PRKD1: variants seen among roughly 807,000 people sequenced by gnomAD.
PRKD1 encodes the protein serine/threonine-protein kinase D1.
A neutral mutation model predicts 95.9 loss-of-function variants in PRKD1; 63 were observed. The ratio of observed to expected loss-of-function variants is 0.66; its 90% CI spans 0.54 to 0.81. The LOEUF (loss-of-function observed/expected upper bound fraction) is 0.81. Among genes scored for constraint, PRKD1 ranks in the 30% least tolerant of loss-of-function variants. PRKD1 has a pLI of 0.00. For synonymous variants in PRKD1, 425 were observed against 423.1 expected (o/e 1.00, Z -0.05); for missense variants, 1,048 against 1,165.3 (o/e 0.90, Z 1.47).
At chr14:29,687,809 A>C (rs2139287943) in intron 2 of PRKD1, among the ~76,000 whole-genome samples, 1 of 152,332 alleles carries the variant, frequency 6.6e-6, no homozygotes, top group Non-Finnish European at 1.5e-5. Flanking sequence ...AATATCTGTC[A>C]CTGGAATGAG....
intron 1 of PRKD1, among the ~76,000 whole-genome samples, chr14:29,727,353 C>T (rs1292163743): frequency 6.6e-6 from 1 of 151,892 alleles, no homozygotes; most frequent in African/African-American, 2.4e-5. Flanking sequence ...GTTGCCTGTT[C>T]ACTCTGATGG....
intron 1 of PRKD1, among the ~76,000 whole-genome samples, chr14:29,919,992 G>GA (rs200608178): frequency 1.4e-5 from 2 of 146,576 alleles, no homozygotes; most frequent in African/African-American, 5.1e-5. Flanking sequence ...GAGAAAGAGA[G>GA]GAAGGAAGGT....
At chr14:29,609,275 A>G (rs561130841) in intron 13 of PRKD1, among the ~76,000 whole-genome samples, 6 of 152,174 alleles carry the variant, frequency 3.9e-5, no homozygotes, top group Non-Finnish European at 7.3e-5. Flanking sequence ...TTAACTGCTA[A>G]TGACAACAGA....
In PRKD1 at chr14:29,927,328, A is replaced by G; in HGVS notation, c.185T>C (p.Val62Ala). 2 of 1,562,654 alleles carry G rather than the reference A, an allele frequency of 1.3e-6. No individual in the cohort carries two copies. Among genetic ancestry groups the G allele is most frequent in the Non-Finnish European group, 1.7e-6 (2 of 1,156,480 alleles). Residue 62 changes from valine to alanine, a missense_variant, in exon 1 of 18, where the codon GTG becomes GCG. Physicochemically the swap from Val to Ala is moderately conservative, Grantham distance 64 (BLOSUM62 0). Transcript: ENST00000331968. ...CCCGGACGAGTCCTGCAGCAGCAGCACCGGCTCACGGCTCAGGCCGATCTG... is the reference window on the plus strand; with the variant it reads ...CCCGGACGAGTCCTGCAGCAGCAGCGCCGGCTCACGGCTCAGGCCGATCTG... The part of the protein sequence containing the change: ...HLQIGLSREP[V>A]LLLQDSSGDY...
intron 1 of PRKD1, among the ~76,000 whole-genome samples, chr14:29,846,725 G>C (rs1892092582): frequency 1.3e-5 from 2 of 152,188 alleles, no homozygotes. Context: ...CAAAGACAGA[G>C]GCAGAGACCA....
intron 1 of PRKD1, among the ~76,000 whole-genome samples, chr14:29,735,241 T>C (rs1441407832): frequency 6.6e-6 from 1 of 152,194 alleles, no homozygotes; most frequent in Non-Finnish European, 1.5e-5. Context: ...AGTGCATTTT[T>C]AGGATAAGCA....
At chr14:29,776,034 G>A (rs899763958) in intron 1 of PRKD1, among the ~76,000 whole-genome samples, 17 of 152,134 alleles carry the variant, frequency 1.1e-4, no homozygotes, top group African/African-American at 4.1e-4. Context: ...CAGGCAAACG[G>A]GGTCTGGAGT....
At chr14:29,798,258 G>A (rs775455500) in intron 1 of PRKD1, among the ~76,000 whole-genome samples, 2 of 152,150 alleles carry the variant, frequency 1.3e-5, no homozygotes, top group South Asian at 2.1e-4. Context: ...GCAGTTCCAC[G>A]CAGTTCCACC....
chr14:29,615,365 G>T (rs1878782319), intron 13 of PRKD1, among the ~76,000 whole-genome samples: 1 of 152,108 alleles, frequency 6.6e-6, no homozygotes, highest in Non-Finnish European at 1.5e-5. Context: ...ACACAAGGAG[G>T]TACAAAGCTT....
intron 1 of PRKD1, among the ~76,000 whole-genome samples, chr14:29,747,238 T>C (rs528684656): frequency 6.6e-6 from 1 of 152,098 alleles, no homozygotes; most frequent in East Asian, 1.9e-4. Context: ...ATTTTAAAAA[T>C]AAGGTACCCA....
chr14:29,666,055 G>A, intron 3 of PRKD1, 22 bp downstream of exon 3: 4 of 1,570,714 alleles, frequency 2.5e-6, no homozygotes, highest in Non-Finnish European at 3.5e-6. Flanking sequence ...CATTTAACTT[G>A]CATGGGAAGA....
intron 1 of PRKD1, among the ~76,000 whole-genome samples, chr14:29,887,723 C>T (rs956427960): frequency 3.3e-5 from 5 of 152,122 alleles, no homozygotes; most frequent in Non-Finnish European, 7.4e-5. Flanking sequence ...TACTTAGATA[C>T]ACAAATATTT....
chr14:29,641,801 C>T (rs1489508950), intron 4 of PRKD1, among the ~76,000 whole-genome samples: 1 of 151,958 alleles, frequency 6.6e-6, no homozygotes, highest in African/African-American at 2.4e-5. Flanking sequence ...AAGGCCATGA[C>T]CCTGTAATAT....
intron 1 of PRKD1, among the ~76,000 whole-genome samples, chr14:29,746,175 C>A (rs1887206943): frequency 1.4e-5 from 2 of 147,774 alleles, no homozygotes; most frequent in Admixed American, 6.7e-5. Context: ...ATTTTTGGTG[C>A]CACTGTGGGA....
At position 29,663,734 on chromosome 14, in the gene PRKD1, C is replaced by T. The variant is rs1169827045; in HGVS notation, c.661G>A (p.Glu221Lys). Reference protein sequence around the residue: ...GVSTIRTSSAELSTSAPDEPL... With the variant: ...GVSTIRTSSAKLSTSAPDEPL... Reference sequence around the variant, plus strand: ...TCATCAGGGGCACTTGTAGAGAGTTCAGCAGATGATGTGCGGATGGTGCTG... The same window carrying T: ...TCATCAGGGGCACTTGTAGAGAGTTTAGCAGATGATGTGCGGATGGTGCTG... Residue 221 changes from glutamate to lysine, a missense_variant, in exon 4 of 18, where the codon GAA becomes AAA. Physicochemically the swap from Glu to Lys is moderately conservative, Grantham distance 56. This residue lies in a region of PRKD1 where 275 missense variants were observed against 248.6 expected (regional missense o/e 1.11). Coordinates refer to ENST00000331968, the MANE Select transcript of PRKD1 (RefSeq NM_002742.3). 1 of 1,613,992 alleles carries T rather than the reference C, an allele frequency of 6.2e-7. No homozygotes were observed. The highest frequency in any genetic ancestry group is 8.5e-7 in the Non-Finnish European group (1 of 1,179,948).
intron 16 of PRKD1, among the ~76,000 whole-genome samples, chr14:29,584,036 G>A (rs45596836): frequency 0.046 from 6,975 of 152,122 alleles, 182 homozygotes; most frequent in Admixed American, 0.065. Flanking sequence ...TAGGATAGCC[G>A]AAGTTCTGTG....
At chr14:29,843,507 G>A (rs1027705700) in intron 1 of PRKD1, among the ~76,000 whole-genome samples, 1 of 152,166 alleles carries the variant, frequency 6.6e-6, no homozygotes, top group Non-Finnish European at 1.5e-5. Flanking sequence ...CTACAGCCTG[G>A]TAAAGTTAGA....
At chr14:29,705,026 G>C (rs1177331375) in intron 2 of PRKD1, among the ~76,000 whole-genome samples, 1 of 152,068 alleles carries the variant, frequency 6.6e-6, no homozygotes, top group Non-Finnish European at 1.5e-5. Flanking sequence ...CCTGACAAGA[G>C]TGGAAAATCT....
intron 1 of PRKD1, among the ~76,000 whole-genome samples, chr14:29,894,909 C>A (rs1894067327): frequency 6.6e-6 from 1 of 152,172 alleles, no homozygotes; most frequent in Middle Eastern, 3.2e-3. Context: ...CTAAGATGTC[C>A]TATTTAATTT....
Sources: allele counts gnomAD v4.1 joint callset (sites outside exome capture counted in the v4.1 genomes callset), GRCh38; gene constraint gnomAD v4.1.1; regional missense constraint gnomAD v4.1.1; transcripts MANE v1.5; gene names NCBI Gene and HGNC (gene_info 2026-07-23, HGNC 2026-07-21).